Variants in RPL13 observed in about 807,000 individuals in gnomAD.
The protein encoded by RPL13 is large ribosomal subunit protein eL13.
In RPL13, 1 loss-of-function variant was observed where a neutral mutation model predicts 21.4. That is an observed-to-expected ratio of 0.05 (90% confidence interval 0.02 to 0.22). RPL13 has a LOEUF of 0.22. Among genes scored for constraint, RPL13 ranks in the 10% least tolerant of loss-of-function variants. RPL13 has a pLI of 1.00. For missense variants in RPL13, 289 were observed against 303.0 expected, an observed-to-expected ratio of 0.95 and a Z score of 0.34; for synonymous variants, 143 against 120.5, an observed-to-expected ratio of 1.19 and a Z score of -1.23.
At chr16:89,561,998 A>T (rs1048939074) in intron 4 of RPL13, 1 of 591,274 alleles carries the variant, frequency 1.7e-6, no homozygotes, top group Non-Finnish European at 3.0e-6. Context: ...AATGCTTCGT[A>T]TTCCAAAATA....
At position 89,562,316 on chromosome 16, in the gene RPL13, T is replaced by A. The variant is rs377524838; in HGVS notation, c.421-19T>A. On this transcript the variant is annotated intron_variant, in intron 4 of 5. Coordinates refer to ENST00000311528, the MANE Select transcript of RPL13 (RefSeq NM_000977.4). ...AGCAGTGCGGCCAACCCCACTTAAC[T>A]CTTCTCATTCACCAACAGGCTGAAG... The A allele has an allele frequency of 1.2e-5, 19 of 1,613,064 alleles. No homozygotes were observed. Among genetic ancestry groups the A allele is most frequent in the African/African-American group, 2.7e-5 (2 of 74,896 alleles).
chr16:89,563,260 G>A lies in RPL13; in HGVS notation c.*218G>A, dbSNP rs188754482. On this transcript the variant is annotated 3_prime_UTR_variant, in exon 6 of 6. Transcript: ENST00000311528. The stretch of plus-strand genomic sequence containing the variant: ...GTTTGGTTAGTGACTGATGTAAAAC[G>A]GTTTTCTTGTGGGGAGGTTACAGAG... The A allele has an allele frequency of 4.2e-4, 166 of 399,196 alleles. No individual in the cohort carries two copies. The highest frequency in any genetic ancestry group is 3.1e-3 in the African/African-American group (149 of 48,284). The allele number at this position is 399,196 out of a possible 1,614,324, so 24.7% of individuals were successfully genotyped here. A position where few individuals can be genotyped will look rare whatever the true frequency, so the allele number is the denominator to read the frequency against.
intron 4 of RPL13, 108 bp from the exon 5 acceptor site, chr16:89,562,227 C>A: frequency 9.9e-7 from 1 of 1,005,842 alleles, no homozygotes; most frequent in Non-Finnish European, 1.5e-6. Flanking sequence ...AAGGCTCAGA[C>A]ACTGGTCCTG....
chr16:89,564,933 C>T (rs1437968038), downstream of RPL13: 3 of 152,224 alleles, frequency 2.0e-5, no homozygotes, highest in African/African-American at 4.8e-5. Context: ...ATCACACCGC[C>T]TTGCTGTTTT....
rs536739939 is a variant in RPL13, at chr16:89,562,382, C to G, written c.468C>G (p.Pro156=). The G allele has an allele frequency of 2.5e-6, 4 of 1,611,628 alleles. No individual in the cohort carries two copies. In the South Asian group the frequency reaches 3.3e-5, roughly 13 times the overall value. ...CCCAGCTGACCGGACCGGTCATGCCCGTCCGGAACGTAAGTGAACACTTAC... is the reference window on the plus strand; with the variant it reads ...CCCAGCTGACCGGACCGGTCATGCCGGTCCGGAACGTAAGTGAACACTTAC... ...LATQLTGPVM[P]VRNVYKKEKA... The change falls in exon 5 of 6, where the codon CCC becomes CCG. Residue 156 remains proline, a synonymous_variant. Transcript: ENST00000311528.
chr16:89,562,789 C>T, intron 5 of RPL13, 95 bp from the exon 6 acceptor site: 1 of 1,338,312 alleles, frequency 7.5e-7, no homozygotes, highest in East Asian at 2.7e-5. Flanking sequence ...AACCTGACCC[C>T]CAATCCCCGG....
At position 89,561,310 on chromosome 16, in the gene RPL13, C is replaced by T; in HGVS notation, c.188C>T (p.Thr63Met). ...GPIRPIVRCPTVRYHTKVRAG... is the reference protein window; with the variant it reads ...GPIRPIVRCPMVRYHTKVRAG... Reference sequence around the variant, plus strand: ...ATCCGGCCCATCGTGCGCTGCCCCACGGTTCGGTACCACACGAAGGTGCGC... The same window carrying T: ...ATCCGGCCCATCGTGCGCTGCCCCATGGTTCGGTACCACACGAAGGTGCGC... The change falls in exon 3 of 6, where the codon ACG becomes ATG. Residue 63 changes from threonine to methionine, a missense_variant. By Grantham distance (81) the Thr-to-Met change is moderately conservative. Coordinates refer to ENST00000311528, the MANE Select transcript of RPL13 (RefSeq NM_000977.4). 1 of 1,585,920 alleles carries T rather than the reference C, an allele frequency of 6.3e-7. No individual in the cohort carries two copies. The highest frequency in any genetic ancestry group is 8.5e-7 in the Non-Finnish European group (1 of 1,170,878).
At chr16:89,566,319 G>C (rs1449979003), downstream of RPL13, 2 of 152,266 alleles carry the variant, frequency 1.3e-5, no homozygotes, top group Non-Finnish European at 2.9e-5. Flanking sequence ...GGAGGCACGA[G>C]TCGCCTGCCT....
At position 89,561,213 on chromosome 16, in the gene RPL13, C is replaced by G; in HGVS notation, c.105-14C>G. The G allele has an allele frequency of 6.5e-7, 1 of 1,538,146 alleles. No homozygotes were observed. Among genetic ancestry groups the G allele is most frequent in the Non-Finnish European group, 8.7e-7 (1 of 1,146,176 alleles). On this transcript the variant is annotated splice_polypyrimidine_tract_variant and intron_variant, in intron 2 of 5. Coordinates refer to ENST00000311528, the MANE Select transcript of RPL13 (RefSeq NM_000977.4). ...TTAGGCAAGGGTGACCGCCGCTGCG[C>G]TTCTCTCCACCAGACGTAAGGCCCG...
intron 4 of RPL13, chr16:89,562,129 C>G (rs374872763): frequency 3.2e-6 from 2 of 616,554 alleles, no homozygotes; most frequent in Admixed American, 3.3e-5. Flanking sequence ...ATAACTGTCT[C>G]GTGCGTGTTG....
At chr16:89,564,772 G>C (rs924591471), downstream of RPL13, 2 of 152,512 alleles carry the variant, frequency 1.3e-5, no homozygotes, top group African/African-American at 2.4e-5. Flanking sequence ...TGGCCGTGGG[G>C]GGTGCAGGGG....
intron 3 of RPL13, 23 bp from the exon 4 acceptor site, chr16:89,561,555 A>G (rs776612321): frequency 6.2e-7 from 1 of 1,613,300 alleles, no homozygotes; most frequent in East Asian, 2.2e-5. Context: ...GCCTGTCTCC[A>G]TCTCTCTCTG....
In RPL13 at chr16:89,563,376, G is replaced by C. The variant is rs2058760214; in HGVS notation, c.*334G>C. ...CTGTAATCCCAGCACTTTGAGGTTG[G>C]CTGGGAGTTCAAGACCAGCCTGGCC... On this transcript the variant is annotated 3_prime_UTR_variant, in exon 6 of 6. Transcript: ENST00000311528. 1 of 169,862 alleles carries C rather than the reference G, an allele frequency of 5.9e-6. No individual in the cohort carries two copies. The highest frequency in any genetic ancestry group is 1.3e-5 in the Non-Finnish European group (1 of 79,892). 10.5% of individuals were successfully genotyped at this position (169,862 alleles called of 1,614,324 possible). A position where few individuals can be genotyped will look rare whatever the true frequency, so the allele number is the denominator to read the frequency against.
intron 3 of RPL13, 45 bp downstream of exon 3, chr16:89,561,413 C>T (rs781318388): frequency 6.2e-6 from 10 of 1,612,466 alleles, no homozygotes; most frequent in Non-Finnish European, 7.6e-6. Flanking sequence ...CCCGAAGTCC[C>T]CTCTGTTGGC....
chr16:89,564,236 A>G lies in RPL13; in HGVS notation c.*1194A>G, dbSNP rs2058766397. The G allele has an allele frequency of 6.6e-6, 1 of 152,216 alleles. No homozygotes were observed. The highest frequency in any genetic ancestry group is 1.5e-5 in the Non-Finnish European group (1 of 68,050). The allele number at this position is 152,216 out of a possible 1,614,324, so 9.4% of individuals were successfully genotyped here. A position where few individuals can be genotyped will look rare whatever the true frequency, so the allele number is the denominator to read the frequency against. Reference sequence around the variant, plus strand: ...GCTGTTACTGGCGTGGAAATAGGTGATGCTGCTACCTCTGCTGCTGCACTC... The same window carrying G: ...GCTGTTACTGGCGTGGAAATAGGTGGTGCTGCTACCTCTGCTGCTGCACTC... On this transcript the variant is annotated 3_prime_UTR_variant, in exon 6 of 6. Coordinates refer to ENST00000311528, the MANE Select transcript of RPL13 (RefSeq NM_000977.4).
intron 3 of RPL13, 96 bp from the exon 4 acceptor site, chr16:89,561,482 G>C (rs746361251): frequency 1.9e-6 from 3 of 1,612,166 alleles, no homozygotes; most frequent in Non-Finnish European, 1.7e-6. Flanking sequence ...AAGCACATTT[G>C]AACCCTTTTC....
chr16:89,561,905 G>A, intron 4 of RPL13, 154 bp downstream of exon 4: 1 of 854,290 alleles, frequency 1.2e-6, no homozygotes, highest in Non-Finnish European at 1.8e-6. Context: ...TCACCTGTGC[G>A]TTTCCGCAGA....
chr16:89,562,880 C>G lies in RPL13; in HGVS notation c.478-4C>G, dbSNP rs139947650. ...GGGTTTAACAACCTGTCTTTCTCTT[C>G]TAGGTCTATAAGAAGGAGAAAGCTC... is the stretch of plus-strand genomic sequence containing the variant. On this transcript the variant is annotated splice_polypyrimidine_tract_variant and splice_region_variant and intron_variant, in intron 5 of 5. Transcript: ENST00000311528. 6.4e-6 allele frequency: 10 copies of G among 1,556,576 alleles called. No individual in the cohort carries two copies. In the Middle Eastern group the frequency reaches 6.9e-4, roughly 107 times the overall value.
Position 89,563,372 on chromosome 16 carries a change from G to GT in RPL13, c.*332dup, listed in dbSNP as rs1567942109. ...ACAGCTGTAATCCCAGCACTTTGAG[G>GT]TTGGCTGGGAGTTCAAGACCAGCCT... On this transcript the variant is annotated 3_prime_UTR_variant, in exon 6 of 6. Transcript: ENST00000311528. 1 of 172,534 alleles carries GT rather than the reference G, an allele frequency of 5.8e-6. No homozygotes were observed. The highest frequency in any genetic ancestry group is 1.5e-4 in the East Asian group (1 of 6,534). 10.7% of individuals were successfully genotyped at this position (172,534 alleles called of 1,614,324 possible).
Sources: allele counts gnomAD v4.1 joint callset, GRCh38; gene constraint gnomAD v4.1.1; transcripts MANE v1.5; gene names NCBI Gene and HGNC (gene_info 2026-07-23, HGNC 2026-07-21).